THOC1: variants seen among roughly 807,000 people sequenced by gnomAD.
The protein encoded by THOC1 is THO complex 1.
THOC1 carries 29 observed loss-of-function variants against 97.3 expected under a neutral mutation model. The observed-to-expected ratio is 0.30, with a 90% CI of 0.22 to 0.41. THOC1 has a LOEUF of 0.41. THOC1 is among the 10% of genes least tolerant of loss of function. The pLI is 1.00. For missense variants in THOC1, 529 were observed against 761.9 expected, an observed-to-expected ratio of 0.69 and a Z score of 3.60; for synonymous variants, 255 against 257.0, an observed-to-expected ratio of 0.99 and a Z score of 0.07.
rs1271880950 is a variant in THOC1 at position 254,779 on chromosome 18, CA to C, written c.521-425del. Among the ~76,000 whole-genome samples the C allele has an allele frequency of 1.3e-5, 2 of 151,808 alleles. No individual in the cohort carries two copies. Among genetic ancestry groups the C allele is most frequent in the African/African-American group, 4.8e-5 (2 of 41,316 alleles). Reference sequence around the variant, plus strand: ...TGTTTTGCCACAGATTTGTTTTTGCCACAAACTGTGCCCATCTAAGATCTAA... The same window carrying C: ...TGTTTTGCCACAGATTTGTTTTTGCCCAAACTGTGCCCATCTAAGATCTAA... On this transcript the variant is annotated intron_variant, in intron 7 of 20. Transcript: ENST00000261600. The surrounding 1 kb of genome is among the most constrained non-coding windows in gnomAD (Gnocchi z 4.1).
At chr18:233,530 G>A (rs1054604085) in intron 11 of THOC1, among the ~76,000 whole-genome samples, 3 of 152,234 alleles carry the variant, frequency 2.0e-5, no homozygotes, top group African/African-American at 2.4e-5. Context: ...AGGCTGCGAT[G>A]AGCCAAGATC....
chr18:217,509 T>C (rs927638817), intron 18 of THOC1, among the ~76,000 whole-genome samples: 2 of 152,194 alleles, frequency 1.3e-5, no homozygotes, highest in African/African-American at 4.8e-5. Flanking sequence ...CAGTGATAAA[T>C]TAATATTCTT....
At position 267,949 on chromosome 18, in the gene THOC1, T is replaced by C; in HGVS notation, c.54+17A>G. The C allele has an allele frequency of 6.2e-7, 1 of 1,609,538 alleles. No homozygotes were observed. The highest frequency in any genetic ancestry group is 8.5e-7 in the Non-Finnish European group (1 of 1,178,020). Reference sequence around the variant, plus strand: ...ATAGCGCCGGGTCAGGCCTGCACCCTCCCCTCTACAGCTCACCGTAAACCG... The same window carrying C: ...ATAGCGCCGGGTCAGGCCTGCACCCCCCCCTCTACAGCTCACCGTAAACCG... On this transcript the variant is annotated intron_variant, in intron 1 of 20. Coordinates refer to ENST00000261600, the MANE Select transcript of THOC1 (RefSeq NM_005131.3).
rs1414038549 is a variant in THOC1 at position 267,872 on chromosome 18, C to T, written c.54+94G>A. On this transcript the variant is annotated intron_variant, in intron 1 of 20. Transcript: ENST00000261600. Reference sequence around the variant, plus strand: ...CGCTGAGGCGGACACACCTCTGTCTCACTTTACCCCAGGGCAAAATTCGAG... The same window carrying T: ...CGCTGAGGCGGACACACCTCTGTCTTACTTTACCCCAGGGCAAAATTCGAG... 3 of 1,344,352 alleles carry T rather than the reference C, an allele frequency of 2.2e-6. No individual in the cohort carries two copies. In the African/African-American group the frequency reaches 4.4e-5, roughly 20 times the overall value. The allele number at this position is 1,344,352 out of a possible 1,614,324, so 83.3% of individuals were successfully genotyped here.
intron 11 of THOC1, among the ~76,000 whole-genome samples, chr18:227,917 A>G (rs1289739671): frequency 6.6e-6 from 1 of 151,646 alleles, no homozygotes; most frequent in Non-Finnish European, 1.5e-5. Context: ...ATTCACTAGC[A>G]ACCCCTTCCA....
rs185938138 is a variant in THOC1, at chr18:221,145, T to G, written c.1371-2176A>C. Reference sequence around the variant, plus strand: ...TTAAAGGAGTTGTAAGTATTTTTGCTTTTGCTATTCACACATAATTTACAA... The same window carrying G: ...TTAAAGGAGTTGTAAGTATTTTTGCGTTTGCTATTCACACATAATTTACAA... On this transcript the variant is annotated intron_variant, in intron 17 of 20. Coordinates refer to ENST00000261600, the MANE Select transcript of THOC1 (RefSeq NM_005131.3). Among the ~76,000 whole-genome samples, 354 of 152,334 alleles carry G rather than the reference T, an allele frequency of 2.3e-3. 1 individual carries two copies. The highest frequency in any genetic ancestry group is 8.1e-3 in the Admixed American group (124 of 15,298).
chr18:247,289 G>A lies in THOC1; in HGVS notation c.786+560C>T, dbSNP rs551484550. 2.0e-5 allele frequency among the ~76,000 whole-genome samples: 3 copies of A among 152,300 alleles called. No homozygotes were observed. The South Asian group carries it at 6.2e-4, about 32-fold the overall frequency. ...ACAAAAAAGGACAACTGATCTTTAA[G>A]TAGCCAAGAAAAATATAACAAATTC... On this transcript the variant is annotated intron_variant, in intron 10 of 20. Transcript: ENST00000261600.
intron 1 of THOC1, among the ~76,000 whole-genome samples, chr18:267,178 A>G (rs1016381028): frequency 1.3e-5 from 2 of 152,168 alleles, no homozygotes; most frequent in African/African-American, 2.4e-5. Flanking sequence ...GAATAGAGTC[A>G]GGCAACTTAA....
chr18:221,843 C>T (rs893757221), intron 17 of THOC1, among the ~76,000 whole-genome samples: 10 of 152,120 alleles, frequency 6.6e-5, no homozygotes, highest in African/African-American at 9.7e-5. Flanking sequence ...CTCCTGACCT[C>T]ATGATCCGCC....
At chr18:260,638 T>G (rs1027997877) in intron 4 of THOC1, 1 of 157,428 alleles carries the variant, frequency 6.4e-6, no homozygotes, top group Non-Finnish European at 1.4e-5. Flanking sequence ...TTTTATAGAA[T>G]GGGAAAACTG....
intron 11 of THOC1, among the ~76,000 whole-genome samples, chr18:243,287 T>C (rs1037481922): frequency 6.6e-6 from 1 of 152,228 alleles, no homozygotes; most frequent in Non-Finnish European, 1.5e-5. Context: ...AAAGGAGAGA[T>C]ACTATTAGAA....
intron 4 of THOC1, chr18:263,731 T>C (rs1319521262): frequency 1.1e-5 from 3 of 262,786 alleles, no homozygotes; most frequent in East Asian, 1.6e-4. Flanking sequence ...TATTCACCAT[T>C]GAATCTCCAG....
intron 20 of THOC1, 94 bp downstream of exon 20, chr18:215,335 T>A: frequency 1.1e-6 from 1 of 921,648 alleles, no homozygotes; most frequent in Non-Finnish European, 1.7e-6. Context: ...ATGGGAGAAG[T>A]TGAGAAGTCG....
In THOC1 at chr18:265,381, C is replaced by T; in HGVS notation, c.129-18G>A. ...CATTTTCACTATTAAAAACAAAAGACATCCTCATTTTTCAAACAGCTCAGG... is the reference window on the plus strand; with the variant it reads ...CATTTTCACTATTAAAAACAAAAGATATCCTCATTTTTCAAACAGCTCAGG... On this transcript the variant is annotated intron_variant, in intron 2 of 20. Transcript: ENST00000261600. The T allele has an allele frequency of 6.2e-7, 1 of 1,600,600 alleles. No individual in the cohort carries two copies. The highest frequency in any genetic ancestry group is 2.2e-5 in the East Asian group (1 of 44,742).
chr18:267,913 G>A (rs1464193905), intron 1 of THOC1, 53 bp downstream of exon 1: 4 of 1,537,064 alleles, frequency 2.6e-6, no homozygotes, highest in Non-Finnish European at 3.5e-6. Context: ...TCAGGGAGAA[G>A]AGGACAAAGC....
chr18:249,451 G>A (rs1424352932), intron 9 of THOC1, among the ~76,000 whole-genome samples: 1 of 151,932 alleles, frequency 6.6e-6, no homozygotes, highest in East Asian at 1.9e-4. Flanking sequence ...CGGATCACGA[G>A]GTCAGTTCAA....
chr18:232,527 ACT>A (rs1033372030), intron 11 of THOC1, among the ~76,000 whole-genome samples: 9 of 151,328 alleles, frequency 5.9e-5, no homozygotes, highest in Admixed American at 5.3e-4. Flanking sequence ...GAACATTGAC[ACT>A]GTTTCTAAAC....
chr18:267,922 G>C (rs1275360527), intron 1 of THOC1, 44 bp downstream of exon 1: 1 of 1,570,986 alleles, frequency 6.4e-7, no homozygotes, highest in Middle Eastern at 1.7e-4. Context: ...AGAGGACAAA[G>C]CATAGCGCCG....
intron 1 of THOC1, among the ~76,000 whole-genome samples, chr18:267,538 G>A (rs542027346): frequency 5.1e-4 from 77 of 152,340 alleles, no homozygotes; most frequent in Non-Finnish European, 9.7e-4. Context: ...GAGACGGCGG[G>A]AACAAGCACT....
Sources: gnomAD v4.1 joint callset for allele counts (sites outside exome capture counted in the v4.1 genomes callset) on GRCh38, gnomAD v4.1.1 for gene constraint, Gnocchi (gnomAD v3.1) non-coding constraint, MANE v1.5 for transcripts, NCBI Gene and HGNC (gene_info 2026-07-23, HGNC 2026-07-21) for gene names.